The following ATP2B2 variants were observed in gnomAD, a reference collection of about 807,000 sequenced individuals.
The protein encoded by ATP2B2 is ATPase plasma membrane Ca2+ transporting 2.
In ATP2B2, 15 loss-of-function variants were observed where a neutral mutation model predicts 120.0. The ratio of observed to expected loss-of-function variants is 0.12; its 90% confidence interval spans 0.08 to 0.19. The LOEUF is 0.19. ATP2B2 is among the 10% of genes least tolerant of loss of function. The probability of loss-of-function intolerance (pLI) is 1.00; values close to 1 mark genes in which losing one functional copy is unlikely to be tolerated. For synonymous variants in ATP2B2, 694 were observed against 700.3 expected (o/e 0.99, Z 0.14); for missense variants, 1,045 against 1,719.8 (o/e 0.61, Z 6.94).
intron 2 of ATP2B2, among the ~76,000 whole-genome samples, chr3:10,448,695 C>A (rs562106195): frequency 1.3e-5 from 2 of 152,256 alleles, no homozygotes; most frequent in African/African-American, 4.8e-5. Flanking sequence ...CATCTTCCTA[C>A]TGCTTTGTCT....
intron 2 of ATP2B2, among the ~76,000 whole-genome samples, chr3:10,439,056 G>A (rs2063567724): frequency 6.6e-6 from 1 of 152,230 alleles, no homozygotes; most frequent in Non-Finnish European, 1.5e-5. Context: ...CTGGGCCAAG[G>A]CCTGGGGCAA....
At chr3:10,552,338 C>T (rs1001426264) in intron 2 of ATP2B2, among the ~76,000 whole-genome samples, 2 of 152,246 alleles carry the variant, frequency 1.3e-5, no homozygotes, top group African/African-American at 2.4e-5. Flanking sequence ...TTTCGTCAGC[C>T]GAACCCCCTT....
intron 1 of ATP2B2, among the ~76,000 whole-genome samples, chr3:10,471,867 T>C (rs940327937): frequency 6.6e-6 from 1 of 151,340 alleles, no homozygotes; most frequent in Non-Finnish European, 1.5e-5. Context: ...GATAACGAGG[T>C]CAGGAGATCG....
intron 2 of ATP2B2, among the ~76,000 whole-genome samples, chr3:10,587,643 G>A (rs938252083): frequency 6.6e-6 from 1 of 152,186 alleles, no homozygotes; most frequent in Non-Finnish European, 1.5e-5. Context: ...GCCTTCCAAA[G>A]TGCAGGGATT....
upstream of ATP2B2, among the ~76,000 whole-genome samples, chr3:10,506,173 C>G (rs546890307): frequency 1.1e-3 from 170 of 152,254 alleles, 1 homozygote; most frequent in Non-Finnish European, 1.3e-3. Context: ...ACATTTTAAA[C>G]ACATCTGTGT....
intron 2 of ATP2B2, among the ~76,000 whole-genome samples, chr3:10,558,365 TG>T (rs1401797126): frequency 2.0e-5 from 3 of 152,158 alleles, no homozygotes; most frequent in African/African-American, 7.2e-5. Flanking sequence ...CTAAGATCAT[TG>T]CTAGGACTGC....
intron 1 of ATP2B2, among the ~76,000 whole-genome samples, chr3:10,672,179 G>A (rs776953257): frequency 1.0e-3 from 155 of 152,250 alleles, no homozygotes; most frequent in Middle Eastern, 3.4e-3. Flanking sequence ...TTTCTGCTGG[G>A]AGAGAACCAC....
chr3:10,603,356 G>A (rs867961075), intron 2 of ATP2B2, among the ~76,000 whole-genome samples: 1 of 152,260 alleles, frequency 6.6e-6, no homozygotes, highest in Middle Eastern at 3.2e-3. Flanking sequence ...CAGCATTGCT[G>A]TGAGTGTCCT....
intron 14 of ATP2B2, among the ~76,000 whole-genome samples, chr3:10,357,998 G>A (rs1376754381): frequency 6.6e-6 from 1 of 152,228 alleles, no homozygotes; most frequent in Non-Finnish European, 1.5e-5. Flanking sequence ...AAGACCTACT[G>A]TGTGCTGAGC....
intron 5 of ATP2B2, among the ~76,000 whole-genome samples, chr3:10,395,873 C>A (rs2062018955): frequency 1.3e-5 from 2 of 152,210 alleles, no homozygotes; most frequent in South Asian, 4.1e-4. Context: ...GGGTTTGGCA[C>A]CTGTGCTCTC....
At chr3:10,650,448 A>G (rs62240224) in intron 1 of ATP2B2, among the ~76,000 whole-genome samples, 4,741 of 152,310 alleles carry the variant, frequency 0.031, 113 homozygotes, top group Non-Finnish European at 0.048. Context: ...ATTCAGTTTT[A>G]AAAGGGAAAC....
chr3:10,666,485 C>T (rs1447396483), intron 1 of ATP2B2, among the ~76,000 whole-genome samples: 1 of 152,192 alleles, frequency 6.6e-6, no homozygotes, highest in African/African-American at 2.4e-5. Context: ...TCTCCACACC[C>T]CACCAATGCC....
chr3:10,587,853 T>C (rs1425319841), intron 2 of ATP2B2, among the ~76,000 whole-genome samples: 1 of 152,228 alleles, frequency 6.6e-6, no homozygotes, highest in African/African-American at 2.4e-5. Flanking sequence ...GTTAAGTGAA[T>C]GAATTTGGTT....
intron 5 of ATP2B2, among the ~76,000 whole-genome samples, chr3:10,395,608 A>C (rs2062011332): frequency 6.6e-6 from 1 of 152,242 alleles, no homozygotes; most frequent in South Asian, 2.1e-4. Context: ...CCATCCTTGC[A>C]ACTTTTCTGA....
intron 5 of ATP2B2, among the ~76,000 whole-genome samples, chr3:10,390,987 C>T (rs2061831760): frequency 6.6e-6 from 1 of 152,174 alleles, no homozygotes; most frequent in African/African-American, 2.4e-5. Context: ...GGGGCTGTTA[C>T]ATATCAGCAT....
chr3:10,524,721 C>T (rs891843616), intron 3 of ATP2B2, among the ~76,000 whole-genome samples: 4 of 152,154 alleles, frequency 2.6e-5, no homozygotes, highest in Non-Finnish European at 1.5e-5. Flanking sequence ...ATACTATTTT[C>T]CCCATGTTGG....
In ATP2B2 at chr3:10,513,544, A is replaced by G. The variant is rs528412128; in HGVS notation, c.-320+20495T>C. Among the ~76,000 whole-genome samples, 6 of 152,252 alleles carry G rather than the reference A, an allele frequency of 3.9e-5. 1 individual carries two copies. The South Asian group carries it at 1.2e-3, about 32-fold the overall frequency. On this transcript the variant is annotated intron_variant, in intron 3 of 21. Transcript: ENST00000646379. ...GGGCCCTGCGTGTAACAGCATCTGC[A>G]ATGCGGCAGTGCAGCACAGTCATGT...
At chr3:10,682,049 A>G (rs1559519195) in intron 1 of ATP2B2, among the ~76,000 whole-genome samples, 1 of 152,240 alleles carries the variant, frequency 6.6e-6, no homozygotes, top group Non-Finnish European at 1.5e-5. Context: ...ATGAGGGATG[A>G]GTAGGAGTTC....
At chr3:10,670,451 CTT>C (rs760978967) in intron 1 of ATP2B2, among the ~76,000 whole-genome samples, 2 of 152,250 alleles carry the variant, frequency 1.3e-5, no homozygotes, top group Non-Finnish European at 2.9e-5. Flanking sequence ...GAATTTCGCT[CTT>C]GTTGCCCAGG....
Sources: gnomAD v4.1 joint callset for allele counts (sites outside exome capture counted in the v4.1 genomes callset) on GRCh38, gnomAD v4.1.1 for gene constraint, MANE v1.5 for transcripts, NCBI Gene and HGNC (gene_info 2026-07-23, HGNC 2026-07-21) for gene names.